LRRC32: variants seen among roughly 807,000 people sequenced by gnomAD.
LRRC32 encodes transforming growth factor beta activator LRRC32.
Under a neutral mutation model 15.0 loss-of-function variants are expected in LRRC32, and 5 were observed. The observed-to-expected ratio is 0.33, with a 90% CI of 0.17 to 0.70. The LOEUF is 0.70. Among genes scored for constraint, LRRC32 ranks in the 30% least tolerant of loss-of-function variants. The pLI, the probability that LRRC32 is intolerant of heterozygous loss-of-function variation, is 0.66. For missense variants in LRRC32, 803 were observed against 854.2 expected (o/e 0.94, Z 0.75); for synonymous variants, 391 against 403.9 (o/e 0.97, Z 0.38).
At chr11:76,668,786 T>C (rs1024376970) in intron 1 of LRRC32, among the ~76,000 whole-genome samples, 20 of 152,168 alleles carry the variant, frequency 1.3e-4, no homozygotes, top group African/African-American at 4.8e-4. Flanking sequence ...GGAAGGGTCC[T>C]AGGCCCTTAT....
intron 1 of LRRC32, 122 bp from the exon 2 acceptor site, chr11:76,666,080 G>T: frequency 1.2e-6 from 1 of 840,582 alleles, no homozygotes; most frequent in Non-Finnish European, 1.9e-6. Flanking sequence ...GCTGGAGCTG[G>T]AATAAAGATG....
rs762256347 is a variant in LRRC32 at position 76,659,585 on chromosome 11, A to C, written c.*19T>G. 6.2e-7 allele frequency: 1 copy of C among 1,609,184 alleles called. No individual in the cohort carries two copies. The highest frequency in any genetic ancestry group is 1.7e-4 in the Middle Eastern group (1 of 5,908). The stretch of plus-strand genomic sequence containing the variant: ...GTACCTCAGGCTCCCCCACTGACCT[A>C]GAGTGTCTCCCGGCTTCTTTAGGCT... On this transcript the variant is annotated 3_prime_UTR_variant, in exon 3 of 3. Transcript: ENST00000260061.
Position 76,660,643 on chromosome 11 carries a change from A to G in LRRC32, c.950T>C (p.Leu317Pro), listed in dbSNP as rs1312133379. Reference sequence around the variant, plus strand: ...ATTGTAGCTCAAATCCAGATTCAAGAGCTGGGAAAGGGGGCGGCCGCTGGC... The same window carrying G: ...ATTGTAGCTCAAATCCAGATTCAAGGGCTGGGAAAGGGGGCGGCCGCTGGC... The part of the protein sequence containing the change: ...GNASGRPLSQ[L>P]LNLDLSYNEI... Residue 317 changes from leucine to proline, a missense_variant, in exon 3 of 3, where the codon CTC (leucine) becomes CCC (proline). Leu to Pro is a moderately conservative substitution (Grantham distance 98). Coordinates refer to ENST00000260061, the MANE Select transcript of LRRC32 (RefSeq NM_001128922.2). 1 of 1,614,036 alleles carries G rather than the reference A, an allele frequency of 6.2e-7. No homozygotes were observed. The highest frequency in any genetic ancestry group is 8.5e-7 in the Non-Finnish European group (1 of 1,180,002).
intron 1 of LRRC32, among the ~76,000 whole-genome samples, chr11:76,667,659 C>T (rs1952646864): frequency 6.6e-6 from 1 of 152,210 alleles, no homozygotes; most frequent in Admixed American, 6.5e-5. Flanking sequence ...GTTTAAAAAG[C>T]AGAACGCCAC....
At position 76,657,979 on chromosome 11, in the gene LRRC32, A is replaced by G. The variant is rs1952442372; in HGVS notation, c.*1625T>C. 1 of 152,328 alleles carries G rather than the reference A, an allele frequency of 6.6e-6. No individual in the cohort carries two copies. The highest frequency in any genetic ancestry group is 1.5e-5 in the Non-Finnish European group (1 of 68,040). 9.4% of individuals were successfully genotyped at this position (152,328 alleles called of 1,614,324 possible). On this transcript the variant is annotated 3_prime_UTR_variant, in exon 3 of 3. Coordinates refer to ENST00000260061, the MANE Select transcript of LRRC32 (RefSeq NM_001128922.2). ...GTCCCAGCACGTCCATTCTTCCCAG[A>G]CAGCTCATGACTCCATGGTATGAGG... is the stretch of plus-strand genomic sequence containing the variant.
In LRRC32 at chr11:76,670,435, G is replaced by A. The variant is rs185181709; in HGVS notation, c.-5+179C>T. On this transcript the variant is annotated intron_variant, in intron 1 of 2. Transcript: ENST00000260061. ...AAAGATCCGCCAAGACAGGAGCGCT[G>A]GGGAACTCCCAGGGACCGAGGGAGG... Among the ~76,000 whole-genome samples the A allele has an allele frequency of 2.5e-3, 375 of 152,328 alleles. 4 individuals are homozygous for A. The highest frequency in any genetic ancestry group is 8.6e-3 in the African/African-American group (358 of 41,578).
At chr11:76,668,256 C>G (rs961005561) in intron 1 of LRRC32, among the ~76,000 whole-genome samples, 2 of 152,160 alleles carry the variant, frequency 1.3e-5, no homozygotes, top group Non-Finnish European at 2.9e-5. Flanking sequence ...TGACTGCTCT[C>G]CCTGAAAGAG....
chr11:76,660,889 G>C lies in LRRC32; in HGVS notation c.704C>G (p.Thr235Arg), dbSNP rs147861179. ...GAACTCAGCCTGGGGCTGGGAGGCCGTCTGAAAGGCCTCGATGCTGTTGCA... is the reference window on the plus strand; with the variant it reads ...GAACTCAGCCTGGGGCTGGGAGGCCCTCTGAAAGGCCTCGATGCTGTTGCA... ...LSCNSIEAFQTASQPQAEFQL... is the reference protein window; with the variant it reads ...LSCNSIEAFQRASQPQAEFQL... The change falls in exon 3 of 3, where the codon ACG (threonine) becomes AGG (arginine). Residue 235 changes from threonine (T) to arginine (R), a missense_variant. By Grantham distance (71) the Thr-to-Arg change is moderately conservative (BLOSUM62 -1). Coordinates refer to ENST00000260061, the MANE Select transcript of LRRC32 (RefSeq NM_001128922.2). 4 of 1,614,172 alleles carry C rather than the reference G, an allele frequency of 2.5e-6. No homozygotes were observed. The highest frequency in any genetic ancestry group is 1.7e-4 in the Middle Eastern group (1 of 6,060).
At position 76,664,040 on chromosome 11, in the gene LRRC32, C is replaced by T. The variant is rs76339412; in HGVS notation, c.84+1831G>A. Among the ~76,000 whole-genome samples the T allele has an allele frequency of 8.7e-3, 1,331 of 152,316 alleles. 15 individuals are homozygous for T. The highest frequency in any genetic ancestry group is 0.03 in the African/African-American group (1,257 of 41,558). On this transcript the variant is annotated intron_variant, in intron 2 of 2. Transcript: ENST00000260061. ...AGCACAGCAAAGAGCATCATGGACC[C>T]ACTTACTGACTGTTACAGTGTGGGG...
intron 1 of LRRC32, among the ~76,000 whole-genome samples, chr11:76,670,167 G>A (rs1291630075): frequency 6.6e-6 from 1 of 152,248 alleles, no homozygotes. Context: ...CATGAAGAAG[G>A]CTGGGTTCAG....
At chr11:76,665,840 G>C in intron 2 of LRRC32, 31 bp downstream of exon 2, 1 of 1,613,662 alleles carries the variant, frequency 6.2e-7, no homozygotes, top group Non-Finnish European at 8.5e-7. Flanking sequence ...GGTGGGGGTG[G>C]TCCTCACCCT....
In LRRC32 at chr11:76,658,344, C is replaced by G. The variant is rs781071403; in HGVS notation, c.*1260G>C. 1.3e-5 allele frequency: 2 copies of G among 152,436 alleles called. No homozygotes were observed. The highest frequency in any genetic ancestry group is 2.9e-5 in the Non-Finnish European group (2 of 68,184). The allele number at this position is 152,436 out of a possible 1,614,324, so 9.4% of individuals were successfully genotyped here. A position where few individuals can be genotyped will look rare whatever the true frequency, so the allele number is the denominator to read the frequency against. On this transcript the variant is annotated 3_prime_UTR_variant, in exon 3 of 3. Coordinates refer to ENST00000260061, the MANE Select transcript of LRRC32 (RefSeq NM_001128922.2). ...AGAGAATGCAAGAGCACAGAGAGAA[C>G]AGGAGAACCCACACCAGGGTGGAAA... is the stretch of plus-strand genomic sequence containing the variant.
At chr11:76,664,639 C>G (rs1005905592) in intron 2 of LRRC32, among the ~76,000 whole-genome samples, 1 of 152,204 alleles carries the variant, frequency 6.6e-6, no homozygotes, top group Non-Finnish European at 1.5e-5. Context: ...CACACATCTT[C>G]TCCTTACTTC....
In LRRC32 at chr11:76,660,878, G is replaced by A. The variant is rs761127554; in HGVS notation, c.715C>T (p.Pro239Ser). 3 of 1,614,232 alleles carry A rather than the reference G, an allele frequency of 1.9e-6. No individual in the cohort carries two copies. The highest frequency in any genetic ancestry group is 1.7e-5 in the Admixed American group (1 of 60,034). ...CAGGTGAGCTGGAACTCAGCCTGGG[G>A]CTGGGAGGCCGTCTGAAAGGCCTCG... is the stretch of plus-strand genomic sequence containing the variant. ...SIEAFQTASQPQAEFQLTWLD... is the reference protein window; with the variant it reads ...SIEAFQTASQSQAEFQLTWLD... Residue 239 changes from proline (P) to serine (S), a missense_variant, in exon 3 of 3, where the codon CCC becomes TCC. Coordinates refer to ENST00000260061, the MANE Select transcript of LRRC32 (RefSeq NM_001128922.2).
chr11:76,667,322 G>A (rs1021472167), intron 1 of LRRC32, among the ~76,000 whole-genome samples: 1 of 152,354 alleles, frequency 6.6e-6, no homozygotes, highest in South Asian at 2.1e-4. Flanking sequence ...TCCTGGGTCT[G>A]TGCCCTTCAA....
chr11:76,666,280 G>A (rs1292284903), intron 1 of LRRC32, among the ~76,000 whole-genome samples: 3 of 152,184 alleles, frequency 2.0e-5, no homozygotes, highest in African/African-American at 7.2e-5. Context: ...TGCACAGAAG[G>A]CTGACAGACC....
chr11:76,663,094 G>T (rs1340367928), intron 2 of LRRC32: 1 of 152,310 alleles, frequency 6.6e-6, no homozygotes, highest in Admixed American at 6.5e-5. Context: ...GTGGCTGTGT[G>T]TGTGAGGACC....
intron 2 of LRRC32, among the ~76,000 whole-genome samples, chr11:76,665,468 G>A (rs1482879709): frequency 6.6e-6 from 1 of 152,090 alleles, no homozygotes; most frequent in African/African-American, 2.4e-5. Flanking sequence ...TCTCCAAGAG[G>A]GATGAGCACA....
In LRRC32 at chr11:76,660,657, G is replaced by A. The variant is rs770074784; in HGVS notation, c.936C>T (p.Arg312=). 17 of 1,614,088 alleles carry A rather than the reference G, an allele frequency of 1.1e-5. No homozygotes were observed. The highest frequency in any genetic ancestry group is 1.4e-5 in the Non-Finnish European group (16 of 1,179,994). Reference sequence around the variant, plus strand: ...CCAGATTCAAGAGCTGGGAAAGGGGGCGGCCGCTGGCATTCCCGCTGGGGG... The same window carrying A: ...CCAGATTCAAGAGCTGGGAAAGGGGACGGCCGCTGGCATTCCCGCTGGGGG... The part of the protein sequence containing the change: ...LSAPSGNASG[R]PLSQLLNLDL... Residue 312 remains arginine, a synonymous_variant, in exon 3 of 3, where the codon CGC becomes CGT. Transcript: ENST00000260061.
Sources: gnomAD v4.1 joint callset for allele counts (sites outside exome capture counted in the v4.1 genomes callset) on GRCh38, gnomAD v4.1.1 for gene constraint, MANE v1.5 for transcripts, NCBI Gene and HGNC (gene_info 2026-07-23, HGNC 2026-07-21) for gene names.